STK32B: variants seen among roughly 807,000 people sequenced by gnomAD.
STK32B encodes the protein serine/threonine-protein kinase 32B.
STK32B carries 43 observed loss-of-function variants against 52.6 expected under a neutral mutation model. The ratio of observed to expected loss-of-function variants is 0.82; its 90% confidence interval spans 0.64 to 1.05. The LOEUF is 1.05. Ranked by LOEUF, STK32B falls within the 50% of genes least tolerant of loss-of-function variation. The pLI is 0.00. For missense variants in STK32B, 621 were observed against 534.6 expected (o/e 1.16, Z -1.59); for synonymous variants, 238 against 204.3 (o/e 1.17, Z -1.41).
chr4:5,144,814 ATC>A (rs1716781496), intron 2 of STK32B, among the ~76,000 whole-genome samples: 2 of 152,094 alleles, frequency 1.3e-5, no homozygotes, highest in African/African-American at 4.8e-5. Flanking sequence ...CCATCCATCC[ATC>A]CATCCATCCA....
At chr4:5,277,092 C>T (rs185528321) in intron 3 of STK32B, among the ~76,000 whole-genome samples, 1 of 152,172 alleles carries the variant, frequency 6.6e-6, no homozygotes, top group Non-Finnish European at 1.5e-5. Flanking sequence ...ACATGTGGGG[C>T]ATTCGAAAGA....
In STK32B at chr4:5,139,912, T is replaced by G. The variant is rs1318420913; in HGVS notation, c.60T>G (p.Phe20Leu). 1.2e-6 allele frequency: 2 copies of G among 1,614,080 alleles called. No homozygotes were observed. Among genetic ancestry groups the G allele is most frequent in the African/African-American group, 1.3e-5 (1 of 74,924 alleles). ...TTTTGTTTTCTTTTGCAGTCAACTT[T>G]GACCATTTTCAGATTCTGCGGGCCA... ...PVFDENEEVN[F>L]DHFQILRAIG... is the part of the protein sequence containing the mutation. Residue 20 changes from phenylalanine (F) to leucine (L), a missense_variant, in exon 2 of 12, where the codon TTT (phenylalanine) becomes TTG (leucine). Phe to Leu is a conservative substitution (Grantham distance 22). Coordinates refer to ENST00000282908, the MANE Select transcript of STK32B (RefSeq NM_018401.3).
intron 11 of STK32B, among the ~76,000 whole-genome samples, chr4:5,494,257 G>T (rs533855330): frequency 6.6e-6 from 1 of 152,114 alleles, no homozygotes; most frequent in African/African-American, 2.4e-5. Flanking sequence ...ATGAATCTGG[G>T]TGCTCCTGTA....
intron 5 of STK32B, among the ~76,000 whole-genome samples, chr4:5,406,022 A>T (rs1737636963): frequency 1.3e-5 from 2 of 152,184 alleles, no homozygotes; most frequent in African/African-American, 4.8e-5. Context: ...TCCACCTATG[A>T]GTCTGTAAAA....
In STK32B at chr4:5,460,105, C is replaced by T. The variant is rs1048990435; in HGVS notation, c.786C>T (p.Leu262=). ...CKGMVALLRK[L]LTKDPESRVS... is the part of the protein sequence containing the mutation. ...ACTCATTTGCCCTCTAACTGCAGCT[C>T]CTGACCAAGGATCCTGAGAGCCGCG... is the stretch of plus-strand genomic sequence containing the variant. Residue 262 remains leucine, a splice_region_variant and synonymous_variant, in exon 9 of 12, where the codon CTC becomes CTT. Coordinates refer to ENST00000282908, the MANE Select transcript of STK32B (RefSeq NM_018401.3). The surrounding 1 kb of genome is among the most constrained non-coding windows in gnomAD (Gnocchi z 4.8). 8 of 1,614,214 alleles carry T rather than the reference C, an allele frequency of 5.0e-6. No individual in the cohort carries two copies. The highest frequency in any genetic ancestry group is 6.8e-6 in the Non-Finnish European group (8 of 1,180,042).
chr4:5,361,445 C>T (rs987298999), intron 4 of STK32B, among the ~76,000 whole-genome samples: 4 of 152,078 alleles, frequency 2.6e-5, no homozygotes, highest in East Asian at 1.9e-4. Flanking sequence ...GATCGTGGCT[C>T]GCTGCAGCCT....
At chr4:5,284,059 AAAC>A (rs1279070660) in intron 3 of STK32B, among the ~76,000 whole-genome samples, 1 of 152,206 alleles carries the variant, frequency 6.6e-6, no homozygotes, top group Non-Finnish European at 1.5e-5. Flanking sequence ...CAAATTACAA[AAAC>A]AAATGTAAAT....
At chr4:5,491,990 T>C (rs1294498758) in intron 11 of STK32B, among the ~76,000 whole-genome samples, 1 of 152,180 alleles carries the variant, frequency 6.6e-6, no homozygotes, top group Non-Finnish European at 1.5e-5. Flanking sequence ...AGCCTTGTAG[T>C]ATAGTTTGAA....
intron 1 of STK32B, among the ~76,000 whole-genome samples, chr4:5,138,374 A>G (rs913069395): frequency 1.3e-5 from 2 of 152,168 alleles, no homozygotes; most frequent in African/African-American, 4.8e-5. Context: ...GTGGTGAACT[A>G]ATCAATTCAC....
intron 6 of STK32B, among the ~76,000 whole-genome samples, chr4:5,429,241 C>G (rs1304533749): frequency 8.4e-6 from 1 of 119,296 alleles, no homozygotes; most frequent in Admixed American, 9.6e-5. Flanking sequence ...TAAATCCAGT[C>G]TAACAGTATC....
At chr4:5,299,614 C>T (rs1183404646) in intron 3 of STK32B, among the ~76,000 whole-genome samples, 1 of 152,108 alleles carries the variant, frequency 6.6e-6, no homozygotes, top group Non-Finnish European at 1.5e-5. Context: ...TAGTCTCTTA[C>T]ATTGGTGTAC....
chr4:5,245,323 C>G (rs1725359679), intron 3 of STK32B, among the ~76,000 whole-genome samples: 1 of 152,106 alleles, frequency 6.6e-6, no homozygotes, highest in Non-Finnish European at 1.5e-5. Context: ...ATCCCTTTAC[C>G]ATTATGTAAT....
chr4:5,026,971 T>C, the STK32B span, among the ~76,000 whole-genome samples: 2 of 152,190 alleles, frequency 1.3e-5, no homozygotes, highest in African/African-American at 4.8e-5. Context: ...ACATCAACGC[T>C]TGCAAAGAGG....
intron 3 of STK32B, among the ~76,000 whole-genome samples, chr4:5,292,554 G>T (rs1728955206): frequency 6.6e-6 from 1 of 151,758 alleles, no homozygotes; most frequent in Admixed American, 6.6e-5. Flanking sequence ...TTTATTGGGT[G>T]CATAATTTGC....
At chr4:5,155,037 C>T (rs916984231) in intron 2 of STK32B, among the ~76,000 whole-genome samples, 2 of 152,226 alleles carry the variant, frequency 1.3e-5, no homozygotes, top group African/African-American at 4.8e-5. Flanking sequence ...TCTTCCTGCT[C>T]ATTCTGTTCC....
At chr4:5,100,676 C>CT (rs1244674765) in intron 1 of STK32B, among the ~76,000 whole-genome samples, 1 of 38,968 alleles carries the variant, frequency 2.6e-5, no homozygotes, top group Non-Finnish European at 4.8e-5. Flanking sequence ...TTCTTTCTTT[C>CT]CTTTCTTACT....
rs143097421 is a variant in STK32B at position 5,135,292 on chromosome 4, G to T, written c.53-4613G>T. Among the ~76,000 whole-genome samples, 19 of 152,306 alleles carry T rather than the reference G, an allele frequency of 1.2e-4. No individual in the cohort carries two copies. The East Asian group carries it at 2.9e-3, about 23-fold the overall frequency. On this transcript the variant is annotated intron_variant, in intron 1 of 11. Coordinates refer to ENST00000282908, the MANE Select transcript of STK32B (RefSeq NM_018401.3). ...CCATTATATAGGTGTGGAGGCTGAT[G>T]CACAGAGAGCCTGAGTGACTTCCCC...
Position 5,267,377 on chromosome 4 carries a change from G to A in STK32B, c.261-63843G>A, listed in dbSNP as rs143489245. Among the ~76,000 whole-genome samples the A allele has an allele frequency of 4.9e-3, 748 of 152,180 alleles. 6 individuals are homozygous for A. The highest frequency in any genetic ancestry group is 0.024 in the South Asian group (116 of 4,802). On this transcript the variant is annotated intron_variant, in intron 3 of 11. Transcript: ENST00000282908. ...TTGATGCTTTTACCTGCCCCTCCCC[G>A]CTTTCCCTGAGTTTCTCAGCTCAGT...
intron 3 of STK32B, among the ~76,000 whole-genome samples, chr4:5,293,564 T>C (rs548282859): frequency 9.9e-5 from 15 of 152,260 alleles, no homozygotes; most frequent in South Asian, 4.1e-4. Context: ...TTTTCATACA[T>C]TTGTGGCCAC....
Sources: allele counts gnomAD v4.1 joint callset (sites outside exome capture counted in the v4.1 genomes callset), GRCh38; gene constraint gnomAD v4.1.1; non-coding constraint Gnocchi (gnomAD v3.1); transcripts MANE v1.5; gene names NCBI Gene and HGNC (gene_info 2026-07-23, HGNC 2026-07-21).